Variants in CIBAR1 observed in about 807,000 individuals in gnomAD.
The protein encoded by CIBAR1 is CBY1-interacting BAR domain-containing protein 1.
A neutral mutation model predicts 44.0 loss-of-function variants in CIBAR1; 25 were observed. That is an observed-to-expected ratio of 0.57 (90% CI 0.41 to 0.79). The LOEUF is 0.79. Among genes scored for constraint, CIBAR1 ranks in the 30% least tolerant of loss-of-function variants. The pLI, the probability that CIBAR1 is intolerant of heterozygous loss-of-function variation, is 0.00. For synonymous variants in CIBAR1, 115 were observed against 119.0 expected, an observed-to-expected ratio of 0.97 and a Z score of 0.22; for missense variants, 278 against 344.8, an observed-to-expected ratio of 0.81 and a Z score of 1.53.
chr8:93,727,187 A>ATAT, intron 8 of CIBAR1: 1 of 1,288,898 alleles, frequency 7.8e-7, no homozygotes, highest in Non-Finnish European at 1.0e-6. Context: ...TGCCCTTTTC[A>ATAT]TATCTAGCCT....
intron 4 of CIBAR1, 101 bp downstream of exon 4, chr8:93,705,111 A>G: frequency 1.4e-6 from 1 of 738,760 alleles, no homozygotes; most frequent in South Asian, 1.8e-5. Context: ...ACGAGTAGAG[A>G]ATTTGAATAT....
chr8:93,700,716 G>A, intron 1 of CIBAR1, 43 bp downstream of exon 1: 1 of 1,475,556 alleles, frequency 6.8e-7, no homozygotes, highest in Non-Finnish European at 9.0e-7. Flanking sequence ...CCACACTGGA[G>A]GGCTGGGGTG....
chr8:93,705,104 A>C (rs1810527673), intron 4 of CIBAR1, 94 bp downstream of exon 4: 1 of 777,662 alleles, frequency 1.3e-6, no homozygotes, highest in Non-Finnish European at 2.1e-6. Flanking sequence ...CTTTTAAACG[A>C]GTAGAGAATT....
chr8:93,701,564 T>G, intron 2 of CIBAR1, 106 bp downstream of exon 2: 1 of 882,180 alleles, frequency 1.1e-6, no homozygotes, highest in South Asian at 1.7e-5. Context: ...CAGAGGTGGA[T>G]GCAAACTTGA....
chr8:93,706,469 G>GT (rs1308916720), intron 4 of CIBAR1, among the ~76,000 whole-genome samples: 1 of 152,132 alleles, frequency 6.6e-6, no homozygotes, highest in Non-Finnish European at 1.5e-5. Context: ...AAAATTTTTT[G>GT]TTTTGTTTTG....
intron 7 of CIBAR1, among the ~76,000 whole-genome samples, chr8:93,719,135 A>AT (rs1563647905): frequency 6.6e-6 from 1 of 152,120 alleles, no homozygotes; most frequent in African/African-American, 2.4e-5. Context: ...AAGTGCTGGG[A>AT]TTACAGGCAT....
At chr8:93,704,623 A>G (rs1810504846) in intron 3 of CIBAR1, among the ~76,000 whole-genome samples, 1 of 152,198 alleles carries the variant, frequency 6.6e-6, no homozygotes. Context: ...GTTTATACCC[A>G]TGTAACCACT....
At chr8:93,720,042 GGT>G (rs1811196164) in intron 7 of CIBAR1, 1 of 150,628 alleles carries the variant, frequency 6.6e-6, no homozygotes, top group South Asian at 2.1e-4. Context: ...GGAGTGCAGT[GGT>G]GCGATCTCGG....
At position 93,701,464 on chromosome 8, in the gene CIBAR1, GAGTGAGATCAC is replaced by G; in HGVS notation, c.261+11_261+21del. ...AGGATTATCGACAAGCAGAGGTATGGAGTGAGATCACAGTGTCATTGTTATGAATGAGCCAT... is the reference window on the plus strand; with the variant it reads ...AGGATTATCGACAAGCAGAGGTATGGAGTGTCATTGTTATGAATGAGCCAT... On this transcript the variant is annotated splice_region_variant and intron_variant, in intron 2 of 8. Coordinates refer to ENST00000518322, the MANE Select transcript of CIBAR1 (RefSeq NM_145269.5). 1 of 1,610,046 alleles carries G rather than the reference GAGTGAGATCAC, an allele frequency of 6.2e-7. No homozygotes were observed.
intron 8 of CIBAR1, among the ~76,000 whole-genome samples, chr8:93,726,936 T>C (rs1474157360): frequency 6.6e-6 from 1 of 152,220 alleles, no homozygotes; most frequent in East Asian, 1.9e-4. Context: ...TCATTTTTTT[T>C]CTATATCCAG....
intron 4 of CIBAR1, 35 bp from the exon 5 acceptor site, chr8:93,707,976 T>C: frequency 1.3e-6 from 2 of 1,492,408 alleles, no homozygotes; most frequent in Non-Finnish European, 1.8e-6. Context: ...TATACTCTCT[T>C]TGAAATGTAT....
intron 8 of CIBAR1, chr8:93,727,217 A>T: frequency 7.8e-7 from 1 of 1,279,058 alleles, no homozygotes; most frequent in South Asian, 1.3e-5. Context: ...AAAATTCAAC[A>T]AACTTATTTT....
chr8:93,704,620 C>T (rs888165822), intron 3 of CIBAR1, among the ~76,000 whole-genome samples: 1 of 152,160 alleles, frequency 6.6e-6, no homozygotes, highest in African/African-American at 2.4e-5. Flanking sequence ...AATGTTTATA[C>T]CCATGTAACC....
At chr8:93,711,353 T>C (rs1487267696) in intron 6 of CIBAR1, among the ~76,000 whole-genome samples, 1 of 152,248 alleles carries the variant, frequency 6.6e-6, no homozygotes, top group Non-Finnish European at 1.5e-5. Flanking sequence ...CACTTAATTA[T>C]ATTATTTATC....
intron 6 of CIBAR1, among the ~76,000 whole-genome samples, chr8:93,711,975 A>G (rs1045716973): frequency 6.6e-6 from 1 of 152,204 alleles, no homozygotes; most frequent in Non-Finnish European, 1.5e-5. Context: ...GGGTGCACAG[A>G]GAAGAAAAGA....
chr8:93,724,052 C>T (rs934928956), intron 7 of CIBAR1, among the ~76,000 whole-genome samples: 1 of 151,938 alleles, frequency 6.6e-6, no homozygotes, highest in African/African-American at 2.4e-5. Flanking sequence ...GGCAACATAG[C>T]GAGACACTGT....
chr8:93,701,064 A>G, intron 1 of CIBAR1, 160 bp from the exon 2 acceptor site: 1 of 1,470,942 alleles, frequency 6.8e-7, no homozygotes, highest in Non-Finnish European at 9.0e-7. Flanking sequence ...TGAGGTCAGG[A>G]CCCCATGGAG....
chr8:93,728,219 A>G lies in CIBAR1; in HGVS notation c.792A>G (p.Arg264=). 2 of 1,589,748 alleles carry G rather than the reference A, an allele frequency of 1.3e-6. No homozygotes were observed. Among genetic ancestry groups the G allele is most frequent in the African/African-American group, 1.4e-5 (1 of 73,542 alleles). ...VSGTGQVSTC[R]LRKDQQAEDD... ...ACTTTTAACAGGTATCCACTTGTCGACTAAGAAAGGATCAACAAGCAGAAG... is the reference window on the plus strand; with the variant it reads ...ACTTTTAACAGGTATCCACTTGTCGGCTAAGAAAGGATCAACAAGCAGAAG... The change falls in exon 9 of 9, where the codon CGA becomes CGG. Residue 264 remains arginine, a synonymous_variant. Transcript: ENST00000518322.
intron 7 of CIBAR1, among the ~76,000 whole-genome samples, chr8:93,722,661 T>C (rs902440018): frequency 2.6e-5 from 4 of 151,892 alleles, no homozygotes; most frequent in East Asian, 1.9e-4. Context: ...AGTGTGCCAA[T>C]TGCACTCCAG....
Sources: gnomAD v4.1 joint callset for allele counts (sites outside exome capture counted in the v4.1 genomes callset) on GRCh38, gnomAD v4.1.1 for gene constraint, MANE v1.5 for transcripts, NCBI Gene and HGNC (gene_info 2026-07-23, HGNC 2026-07-21) for gene names.